CSMD1: variants seen among roughly 807,000 people sequenced by gnomAD.
CSMD1 encodes the protein CUB and sushi domain-containing protein 1.
Under a neutral mutation model 417.5 loss-of-function variants are expected in CSMD1, and 213 were observed. The observed-to-expected ratio is 0.51, with a 90% CI of 0.46 to 0.57. CSMD1 has a LOEUF of 0.57. Ranked by LOEUF, CSMD1 falls within the 20% of genes least tolerant of loss-of-function variation. The pLI, the probability that CSMD1 is intolerant of heterozygous loss-of-function variation, is 0.00. For missense variants in CSMD1, 6,923 were observed against 4,529.7 expected (o/e 1.53, Z -15.17); for synonymous variants, 2,862 against 1,736.8 (o/e 1.65, Z -16.11).
chr8:3,498,796 T>C (rs28870170), intron 10 of CSMD1, among the ~76,000 whole-genome samples: 12,154 of 152,212 alleles, frequency 0.08, 505 homozygotes, highest in African/African-American at 0.097. Flanking sequence ...CTTGATTTTA[T>C]TTTTTAAATT....
intron 12 of CSMD1, among the ~76,000 whole-genome samples, chr8:3,432,762 C>G (rs1230978824): frequency 6.6e-6 from 1 of 152,132 alleles, no homozygotes; most frequent in African/African-American, 2.4e-5. Flanking sequence ...GATCTTCCCA[C>G]CTTGGCCTCC....
rs1208423330 is a variant in CSMD1 at position 3,601,600 on chromosome 8, A to G, written c.1097+15110T>C. Reference sequence around the variant, plus strand: ...TAGTCACCACAATCTACTGTAGAATAAGATGCTGCAAAATTTTCATGGCTC... The same window carrying G: ...TAGTCACCACAATCTACTGTAGAATGAGATGCTGCAAAATTTTCATGGCTC... On this transcript the variant is annotated intron_variant, in intron 8 of 69. Transcript: ENST00000635120. Among the ~76,000 whole-genome samples, 3 of 152,304 alleles carry G rather than the reference A, an allele frequency of 2.0e-5. No individual in the cohort carries two copies. The East Asian group carries it at 5.8e-4, about 29-fold the overall frequency.
At chr8:3,955,231 G>A (rs1202877575) in intron 5 of CSMD1, among the ~76,000 whole-genome samples, 1 of 152,074 alleles carries the variant, frequency 6.6e-6, no homozygotes, top group East Asian at 1.9e-4. Flanking sequence ...TCCTGTGAGA[G>A]GCCCCCACAG....
intron 1 of CSMD1, among the ~76,000 whole-genome samples, chr8:4,723,127 A>T (rs1453727792): frequency 6.6e-6 from 1 of 152,178 alleles, no homozygotes; most frequent in Non-Finnish European, 1.5e-5. Flanking sequence ...ACCTAACACC[A>T]TTAAAATCTA....
chr8:4,928,292 T>A lies in CSMD1; in HGVS notation c.85+66040A>T, dbSNP rs141274223. On this transcript the variant is annotated intron_variant, in intron 1 of 69. Coordinates refer to ENST00000635120, the MANE Select transcript of CSMD1 (RefSeq NM_033225.6). ...GAACAAACTGTCCTGACCTCCCATATGTGCACAATCCCCTTTATTTTTCTA... is the reference window on the plus strand; with the variant it reads ...GAACAAACTGTCCTGACCTCCCATAAGTGCACAATCCCCTTTATTTTTCTA... 1.1e-3 allele frequency among the ~76,000 whole-genome samples: 171 copies of A among 152,338 alleles called. 4 individuals are homozygous for A. In the East Asian group the frequency reaches 0.031, roughly 28 times the overall value.
At chr8:4,708,921 T>G (rs879284983) in intron 1 of CSMD1, among the ~76,000 whole-genome samples, 3 of 152,080 alleles carry the variant, frequency 2.0e-5, no homozygotes, top group Non-Finnish European at 2.9e-5. Flanking sequence ...TACAGGAAGG[T>G]GGTCATTCAC....
intron 1 of CSMD1, among the ~76,000 whole-genome samples, chr8:4,744,030 G>A (rs1219916546): frequency 9.9e-5 from 15 of 152,224 alleles, no homozygotes; most frequent in Non-Finnish European, 1.9e-4. Flanking sequence ...ACGCCAGGCT[G>A]GCACACGCAG....
chr8:4,023,530 T>G (rs1265265520), intron 4 of CSMD1, among the ~76,000 whole-genome samples: 1 of 151,844 alleles, frequency 6.6e-6, no homozygotes, highest in Admixed American at 6.6e-5. Flanking sequence ...CTTGGCTCTG[T>G]GCTGAGCAAT....
At chr8:4,787,265 C>T (rs1208449129) in intron 1 of CSMD1, 5 of 587,442 alleles carry the variant, frequency 8.5e-6, no homozygotes, top group Non-Finnish European at 1.6e-5. Context: ...GCTCTCTGAT[C>T]ACCCCTCTTT....
chr8:3,343,482 T>C (rs1295647899), intron 22 of CSMD1, 32 bp from the exon 23 acceptor site: 1 of 1,588,654 alleles, frequency 6.3e-7, no homozygotes. Flanking sequence ...AGTCCCTCTA[T>C]GCCTTCACTG....
intron 1 of CSMD1, among the ~76,000 whole-genome samples, chr8:4,958,486 G>C (rs1469390648): frequency 6.6e-6 from 1 of 152,108 alleles, no homozygotes; most frequent in African/African-American, 2.4e-5. Context: ...AAGATATTGA[G>C]GCTTACAGAA....
chr8:3,871,519 A>T (rs1488159300), intron 5 of CSMD1, among the ~76,000 whole-genome samples: 1 of 152,204 alleles, frequency 6.6e-6, no homozygotes, highest in East Asian at 1.9e-4. Flanking sequence ...CTCCATAATG[A>T]ATAATGCTTG....
At chr8:4,602,058 T>C (rs1800617988) in intron 2 of CSMD1, among the ~76,000 whole-genome samples, 2 of 152,130 alleles carry the variant, frequency 1.3e-5, no homozygotes, top group African/African-American at 4.8e-5. Flanking sequence ...AATATAGAAA[T>C]AGATAAAGGA....
At chr8:4,944,519 C>G (rs1430947009) in intron 1 of CSMD1, among the ~76,000 whole-genome samples, 3 of 152,156 alleles carry the variant, frequency 2.0e-5, no homozygotes, top group Non-Finnish European at 2.9e-5. Flanking sequence ...ACATCAGAGA[C>G]TCAGACTCAG....
At chr8:3,334,135 G>A (rs1346377021) in intron 23 of CSMD1, among the ~76,000 whole-genome samples, 4 of 152,172 alleles carry the variant, frequency 2.6e-5, no homozygotes, top group Non-Finnish European at 5.9e-5. Context: ...AGAGATAGGT[G>A]GGAGAGGATG....
chr8:4,778,530 A>G (rs941758319), intron 1 of CSMD1, among the ~76,000 whole-genome samples: 12 of 152,200 alleles, frequency 7.9e-5, no homozygotes, highest in African/African-American at 2.9e-4. Context: ...GCATACAGCA[A>G]ATCATAACTT....
In CSMD1 at chr8:3,008,358, G is replaced by A. The variant is rs975651770; in HGVS notation, c.8030-8227C>T. 4.6e-5 allele frequency among the ~76,000 whole-genome samples: 7 copies of A among 152,198 alleles called. No homozygotes were observed. The South Asian group carries it at 8.3e-4, about 18-fold the overall frequency. On this transcript the variant is annotated intron_variant, in intron 52 of 69. Transcript: ENST00000635120. ...AAAACCACTCACTCCATTATCACCC[G>A]CACAGTGTGGCCCACCCTTAGACCA...
intron 1 of CSMD1, among the ~76,000 whole-genome samples, chr8:4,669,790 G>A (rs1747704143): frequency 6.6e-6 from 1 of 152,090 alleles, no homozygotes; most frequent in Non-Finnish European, 1.5e-5. Flanking sequence ...TTTTCTAGAA[G>A]GAGAATGATT....
chr8:4,732,378 TGTGTAG>T (rs1310560292), intron 1 of CSMD1, among the ~76,000 whole-genome samples: 2 of 149,346 alleles, frequency 1.3e-5, no homozygotes, highest in African/African-American at 5.0e-5. Context: ...TGTGTGTGTG[TGTGTAG>T]TGTTTTTCCC....
Sources: gnomAD v4.1 joint callset for allele counts (sites outside exome capture counted in the v4.1 genomes callset) on GRCh38, gnomAD v4.1.1 for gene constraint, MANE v1.5 for transcripts, NCBI Gene and HGNC (gene_info 2026-07-23, HGNC 2026-07-21) for gene names.